L3MBTL4: variants seen among roughly 807,000 people sequenced by gnomAD.
The protein encoded by L3MBTL4 is lethal(3)malignant brain tumor-like protein 4.
In L3MBTL4, 70 loss-of-function variants were observed where a neutral mutation model predicts 84.5. That is an observed-to-expected ratio of 0.83 (90% CI 0.68 to 1.01). The LOEUF is 1.01. L3MBTL4 is among the 50% of genes least tolerant of loss of function. The probability of loss-of-function intolerance (pLI) is 0.00; values close to 1 mark genes in which losing one functional copy is unlikely to be tolerated. For missense variants in L3MBTL4, 715 were observed against 754.8 expected, an observed-to-expected ratio of 0.95 and a Z score of 0.62; for synonymous variants, 274 against 259.8, an observed-to-expected ratio of 1.05 and a Z score of -0.52.
chr18:5,991,565 T>TA (rs745474511), intron 16 of L3MBTL4, among the ~76,000 whole-genome samples: 3 of 152,158 alleles, frequency 2.0e-5, no homozygotes, highest in Non-Finnish European at 4.4e-5. Context: ...TTCTCACACT[T>TA]ACACTGCTCT....
chr18:6,339,091 C>T (rs2052482380), intron 1 of L3MBTL4, among the ~76,000 whole-genome samples: 2 of 152,114 alleles, frequency 1.3e-5, no homozygotes, highest in Admixed American at 1.3e-4. Flanking sequence ...TATAAAACAA[C>T]CAGATCCGCC....
At chr18:6,062,470 A>G (rs968042966) in intron 16 of L3MBTL4, among the ~76,000 whole-genome samples, 8 of 152,056 alleles carry the variant, frequency 5.3e-5, no homozygotes, top group Admixed American at 3.3e-4. Context: ...TTTGATATTT[A>G]TCCTTCTTGG....
intron 12 of L3MBTL4, among the ~76,000 whole-genome samples, chr18:6,185,210 A>AT (rs2044664885): frequency 1.3e-5 from 2 of 152,214 alleles, no homozygotes; most frequent in Admixed American, 6.5e-5. Flanking sequence ...GGAGTCATAA[A>AT]CAAACAGAGG....
chr18:6,299,679 T>C (rs1407016381), intron 4 of L3MBTL4, among the ~76,000 whole-genome samples: 2 of 99,378 alleles, frequency 2.0e-5, no homozygotes, highest in East Asian at 3.2e-4. Flanking sequence ...TATAGATATA[T>C]TTTTTTTATA....
chr18:6,093,531 G>A lies in L3MBTL4; in HGVS notation c.1200-3C>T, dbSNP rs767608549. On this transcript the variant is annotated splice_polypyrimidine_tract_variant and splice_region_variant and intron_variant, in intron 14 of 18. Transcript: ENST00000317931. ...CTGAATACGGGCAGCCAAAAGCACT[G>A]GTTTGTATAAAAATGAGAGCACAGT... is the stretch of plus-strand genomic sequence containing the variant. 7.5e-6 allele frequency: 12 copies of A among 1,609,710 alleles called. No individual in the cohort carries two copies. The South Asian group carries it at 1.1e-4, about 15-fold the overall frequency.
intron 12 of L3MBTL4, among the ~76,000 whole-genome samples, chr18:6,197,982 C>T (rs564718878): frequency 1.7e-4 from 26 of 152,328 alleles, no homozygotes; most frequent in African/African-American, 6.0e-4. Flanking sequence ...CTTCTCTACT[C>T]ATCCACTTTC....
At chr18:6,342,410 A>T (rs187839901) in intron 1 of L3MBTL4, among the ~76,000 whole-genome samples, 2 of 152,214 alleles carry the variant, frequency 1.3e-5, no homozygotes, top group African/African-American at 4.8e-5. Flanking sequence ...AAAGGAAAAA[A>T]GTTGTAAATT....
At chr18:6,372,394 T>A (rs1258842079) in intron 1 of L3MBTL4, among the ~76,000 whole-genome samples, 2 of 152,216 alleles carry the variant, frequency 1.3e-5, no homozygotes, top group African/African-American at 4.8e-5. Flanking sequence ...AGGAGTCTTG[T>A]GTCCTCTGCC....
chr18:6,167,527 G>C (rs994477570), intron 13 of L3MBTL4, among the ~76,000 whole-genome samples: 1 of 152,082 alleles, frequency 6.6e-6, no homozygotes, highest in South Asian at 2.1e-4. Flanking sequence ...TTCAACATAC[G>C]CAAATCAATA....
At chr18:6,383,529 C>T (rs994405661) in intron 1 of L3MBTL4, among the ~76,000 whole-genome samples, 3 of 152,156 alleles carry the variant, frequency 2.0e-5, no homozygotes, top group Non-Finnish European at 4.4e-5. Flanking sequence ...GTTCCTCAGG[C>T]TCAGTCCCTC....
intron 16 of L3MBTL4, among the ~76,000 whole-genome samples, chr18:6,047,464 G>GCCAA (rs1319583167): frequency 1.6e-4 from 24 of 152,014 alleles, no homozygotes; most frequent in Admixed American, 1.6e-3. Context: ...AAGATTTCAG[G>GCCAA]CCAATATACC....
At chr18:6,294,380 C>A (rs761467116) in intron 4 of L3MBTL4, among the ~76,000 whole-genome samples, 1 of 152,018 alleles carries the variant, frequency 6.6e-6, no homozygotes. Flanking sequence ...TAGGTCTGAG[C>A]GAGCATTAAA....
intron 16 of L3MBTL4, among the ~76,000 whole-genome samples, chr18:6,003,260 T>C (rs2054313165): frequency 6.6e-6 from 1 of 150,900 alleles, no homozygotes; most frequent in South Asian, 2.1e-4. Context: ...GGGGCACTTA[T>C]ATTACTATCA....
intron 4 of L3MBTL4, among the ~76,000 whole-genome samples, chr18:6,264,812 C>T (rs528801): frequency 0.78 from 119,073 of 152,224 alleles, 47,174 homozygotes; most frequent in East Asian, 0.95. Flanking sequence ...TCCTAAAAGT[C>T]GAACCAGCAA....
chr18:6,117,918 T>C (rs1412622580), intron 14 of L3MBTL4, among the ~76,000 whole-genome samples: 1 of 152,192 alleles, frequency 6.6e-6, no homozygotes, highest in Non-Finnish European at 1.5e-5. Flanking sequence ...CCAGCCCTTA[T>C]GTTTACTGCA....
intron 16 of L3MBTL4, among the ~76,000 whole-genome samples, chr18:6,019,047 A>G (rs933498676): frequency 6.6e-6 from 1 of 152,244 alleles, no homozygotes; most frequent in South Asian, 2.1e-4. Context: ...CCCCAAGGAA[A>G]CAAAGGGAGA....
chr18:5,960,579 T>G (rs1283747586), intron 17 of L3MBTL4: 1 of 152,890 alleles, frequency 6.5e-6, no homozygotes, highest in East Asian at 1.9e-4. Context: ...GGCCTTCTCC[T>G]GCTCATCTCT....
At chr18:6,220,364 C>A (rs1347867006) in intron 10 of L3MBTL4, among the ~76,000 whole-genome samples, 2 of 152,166 alleles carry the variant, frequency 1.3e-5, no homozygotes, top group Non-Finnish European at 1.5e-5. Context: ...AACTAGAACA[C>A]TGCAGACATC....
intron 1 of L3MBTL4, among the ~76,000 whole-genome samples, chr18:6,347,909 C>CA (rs1240249160): frequency 6.6e-6 from 1 of 151,614 alleles, no homozygotes; most frequent in African/African-American, 2.4e-5. Context: ...GATCTGAACA[C>CA]AAAAAAATTA....
Sources: gnomAD v4.1 joint callset for allele counts (sites outside exome capture counted in the v4.1 genomes callset) on GRCh38, gnomAD v4.1.1 for gene constraint, MANE v1.5 for transcripts, NCBI Gene and HGNC (gene_info 2026-07-23, HGNC 2026-07-21) for gene names.